The following PRDM15 variants were observed in gnomAD, a reference collection of about 807,000 sequenced individuals.
PRDM15 encodes the protein PR domain zinc finger protein 15.
PRDM15 carries 64 observed loss-of-function variants against 128.6 expected under a neutral mutation model. The observed-to-expected ratio is 0.50, with a 90% CI of 0.41 to 0.61. The LOEUF (loss-of-function observed/expected upper bound fraction) is 0.61. Ranked by LOEUF, PRDM15 falls within the 20% of genes least tolerant of loss-of-function variation. The probability of loss-of-function intolerance (pLI) is 0.00; values close to 1 mark genes in which losing one functional copy is unlikely to be tolerated. For synonymous variants in PRDM15, 615 were observed against 621.8 expected (o/e 0.99, Z 0.16); for missense variants, 1,242 against 1,569.1 (o/e 0.79, Z 3.52).
rs116209931 is a variant in PRDM15 at position 41,805,284 on chromosome 21, G to A, written c.2653-670C>T. 6.6e-3 allele frequency among the ~76,000 whole-genome samples: 1,007 copies of A among 152,282 alleles called. 10 individuals carry two copies. The highest frequency in any genetic ancestry group is 0.023 in the African/African-American group (946 of 41,558). On this transcript the variant is annotated intron_variant, in intron 21 of 23. Coordinates refer to ENST00000398548, the MANE Select transcript of PRDM15 (RefSeq NM_001040424.3). The stretch of plus-strand genomic sequence containing the variant: ...CTAATTAGATCATAAGAAAGACAAC[G>A]GACAACGAGTACAGAGACAGCCGAA...
At chr21:41,809,941 G>A (rs890082562) in intron 21 of PRDM15, among the ~76,000 whole-genome samples, 3 of 152,174 alleles carry the variant, frequency 2.0e-5, no homozygotes, top group Admixed American at 6.5e-5. Context: ...TATAACCTTA[G>A]CAAAGGTCCG....
chr21:41,859,672 G>A lies in PRDM15; in HGVS notation c.51C>T (p.Cys17=). ...GACATTCGGAGTCGTGGTACTGGCT[G>A]CAGTCTTCACACCCTGCAAGCAGAC... is the stretch of plus-strand genomic sequence containing the variant. ...EEIMFIWCED[C]SQYHDSECPE... The change falls in exon 3 of 24, where the codon TGC becomes TGT. Residue 17 remains cysteine, a synonymous_variant. Transcript: ENST00000398548. This position sits in a 1 kb window ranked among gnomAD's most constrained non-coding sequence, Gnocchi z 5.3. 3 of 1,613,796 alleles carry A rather than the reference G, an allele frequency of 1.9e-6. No homozygotes were observed. The highest frequency in any genetic ancestry group is 2.5e-6 in the Non-Finnish European group (3 of 1,179,890).
chr21:41,846,280 C>T (rs745497244), intron 6 of PRDM15, among the ~76,000 whole-genome samples: 3 of 152,228 alleles, frequency 2.0e-5, no homozygotes, highest in Non-Finnish European at 4.4e-5. Flanking sequence ...AGATTAGCCT[C>T]CTAAGACTTG....
intron 21 of PRDM15, among the ~76,000 whole-genome samples, chr21:41,806,006 TCACCACCACCA>T (rs2061561351): frequency 7.1e-5 from 3 of 42,434 alleles, no homozygotes; most frequent in African/African-American, 3.0e-4. Context: ...ACCACCACCA[TCACCACCACCA>T]TCACCACCAC....
intron 12 of PRDM15, 43 bp from the exon 13 acceptor site, chr21:41,826,097 G>C: frequency 6.7e-7 from 1 of 1,487,490 alleles, no homozygotes; most frequent in Non-Finnish European, 9.4e-7. Flanking sequence ...AATACACATA[G>C]AACACGCGAA....
chr21:41,820,963 A>T, intron 16 of PRDM15, 104 bp downstream of exon 16: 1 of 1,434,632 alleles, frequency 7.0e-7, no homozygotes, highest in Non-Finnish European at 9.7e-7. Context: ...AGAGGACATC[A>T]CTTGTTGGAA....
chr21:41,822,012 T>C lies in PRDM15; in HGVS notation c.1787A>G (p.Gln596Arg). 1 of 1,614,150 alleles carries C rather than the reference T, an allele frequency of 6.2e-7. No homozygotes were observed. The highest frequency in any genetic ancestry group is 8.5e-7 in the Non-Finnish European group (1 of 1,180,040). Residue 596 changes from glutamine to arginine, a missense_variant, in exon 15 of 24, where the codon CAG becomes CGG. This residue lies in a region of PRDM15 where 602 missense variants were observed against 788.3 expected (regional missense o/e 0.76). Transcript: ENST00000398548. ...FKDIALMDDH[Q>R]REEFIGKIGI... The stretch of plus-strand genomic sequence containing the variant: ...GATCTTGCCGATAAACTCTTCCCTC[T>C]GGTGGTCATCCATCAACGCGATGTC...
rs746745959 is a variant in PRDM15 at position 41,828,137 on chromosome 21, G to A, written c.1534+29C>T. 5.0e-6 allele frequency: 8 copies of A among 1,609,040 alleles called. No individual in the cohort carries two copies. Among genetic ancestry groups the A allele is most frequent in the East Asian group, 4.5e-5 (2 of 44,792 alleles). On this transcript the variant is annotated intron_variant, in intron 12 of 23. Coordinates refer to ENST00000398548, the MANE Select transcript of PRDM15 (RefSeq NM_001040424.3). This position sits in a 1 kb window ranked among gnomAD's most constrained non-coding sequence, Gnocchi z 5.7. ...CACCCCGCAGGAGCTGCCTCTCCCCGCCCGCAGCAGGTGCGCAGGCGGCCT... is the reference window on the plus strand; with the variant it reads ...CACCCCGCAGGAGCTGCCTCTCCCCACCCGCAGCAGGTGCGCAGGCGGCCT...
At chr21:41,860,807 C>T (rs1193698015) in intron 1 of PRDM15, among the ~76,000 whole-genome samples, 1 of 152,202 alleles carries the variant, frequency 6.6e-6, no homozygotes, top group South Asian at 2.1e-4. Flanking sequence ...CTAAAGAGAG[C>T]ACACAGTGGG....
intron 11 of PRDM15, among the ~76,000 whole-genome samples, chr21:41,830,275 C>T (rs2062638815): frequency 6.6e-6 from 1 of 150,690 alleles, no homozygotes; most frequent in African/African-American, 2.4e-5. Context: ...CAAATACACA[C>T]TCAACACACA....
intron 13 of PRDM15, among the ~76,000 whole-genome samples, chr21:41,824,812 G>GA (rs1185228064): frequency 2.6e-5 from 4 of 152,162 alleles, no homozygotes; most frequent in Admixed American, 1.3e-4. Context: ...TCTGTGGTTT[G>GA]AAAAAAATCA....
rs1054395528 is a variant in PRDM15 at position 41,800,229 on chromosome 21, C to T, written c.*1011G>A. 2.6e-5 allele frequency: 4 copies of T among 152,188 alleles called. No individual in the cohort carries two copies. The highest frequency in any genetic ancestry group is 9.7e-5 in the African/African-American group (4 of 41,436). The allele number at this position is 152,188 out of a possible 1,614,324, so 9.4% of individuals were successfully genotyped here. ...CAGAAGGAAAATATGACTTTTCCCCCGTTTCTTCCACTCGGGATTCTGGCT... is the reference window on the plus strand; with the variant it reads ...CAGAAGGAAAATATGACTTTTCCCCTGTTTCTTCCACTCGGGATTCTGGCT... On this transcript the variant is annotated 3_prime_UTR_variant, in exon 24 of 24. Transcript: ENST00000398548.
chr21:41,877,597 A>G (rs2146080015), intron 1 of PRDM15: 1 of 152,390 alleles, frequency 6.6e-6, no homozygotes, highest in Admixed American at 6.5e-5. Flanking sequence ...TTCAATCTGC[A>G]AAATGGCAGG....
intron 21 of PRDM15, among the ~76,000 whole-genome samples, chr21:41,809,674 G>A (rs933875087): frequency 1.3e-5 from 2 of 152,106 alleles, no homozygotes; most frequent in Non-Finnish European, 2.9e-5. Context: ...CTCTGGTTTT[G>A]TCTTTCAGGG....
intron 19 of PRDM15, chr21:41,813,722 T>G (rs1310309763): frequency 6.6e-6 from 1 of 152,608 alleles, no homozygotes; most frequent in Non-Finnish European, 1.5e-5. Context: ...CGCAGGGTGC[T>G]TTAGTGTTTT....
rs748752353 is a variant in PRDM15, at chr21:41,835,429, G to A, written c.1366+8C>T. On this transcript the variant is annotated splice_region_variant and intron_variant, in intron 11 of 23. Transcript: ENST00000398548. ...GCGGCCGAGGGGAGACGTGACCGGC[G>A]CCCTCACCTGTCCTGCAGTTGTGGA... 26 of 1,603,236 alleles carry A rather than the reference G, an allele frequency of 1.6e-5. No individual in the cohort carries two copies. Among genetic ancestry groups the A allele is most frequent in the East Asian group, 8.9e-5 (4 of 44,732 alleles).
chr21:41,836,862 C>A, intron 8 of PRDM15: 1 of 427,212 alleles, frequency 2.3e-6, no homozygotes, highest in Non-Finnish European at 4.2e-6. Flanking sequence ...GCTTTAGCTG[C>A]AACAGCCACA....
chr21:41,824,551 T>G (rs2062400787), intron 13 of PRDM15, among the ~76,000 whole-genome samples: 1 of 122,878 alleles, frequency 8.1e-6, no homozygotes, highest in Non-Finnish European at 1.8e-5. Context: ...GCACAAACAA[T>G]CTCTCAACAG....
chr21:41,847,417 G>A (rs2063300606), intron 5 of PRDM15, among the ~76,000 whole-genome samples: 1 of 152,184 alleles, frequency 6.6e-6, no homozygotes, highest in Admixed American at 6.5e-5. Flanking sequence ...TGAGGCAACT[G>A]AGCACAGAGA....
Sources: gnomAD v4.1 joint callset for allele counts (sites outside exome capture counted in the v4.1 genomes callset) on GRCh38, gnomAD v4.1.1 for gene constraint, gnomAD v4.1.1 regional missense constraint, Gnocchi (gnomAD v3.1) non-coding constraint, MANE v1.5 for transcripts, NCBI Gene and HGNC (gene_info 2026-07-23, HGNC 2026-07-21) for gene names.